ADCY8: variants seen among roughly 807,000 people sequenced by gnomAD.
The protein encoded by ADCY8 is adenylate cyclase 8, also known as adenylate cyclase type 8.
A neutral mutation model predicts 119.7 loss-of-function variants in ADCY8; 51 were observed. The observed-to-expected ratio is 0.43, with a 90% CI of 0.34 to 0.54. The LOEUF (loss-of-function observed/expected upper bound fraction) is 0.54, where lower values mean the gene tolerates loss of function less well. ADCY8 is among the 20% of genes least tolerant of loss of function. The pLI is 0.03. For missense variants in ADCY8, 1,383 were observed against 1,598.8 expected (o/e 0.87, Z 2.30); for synonymous variants, 665 against 651.0 (o/e 1.02, Z -0.33).
At chr8:131,018,706 G>C (rs1016478351) in intron 1 of ADCY8, among the ~76,000 whole-genome samples, 9 of 152,216 alleles carry the variant, frequency 5.9e-5, no homozygotes, top group Non-Finnish European at 1.0e-4. Context: ...AGGAATTGAG[G>C]CTTATGGAAG....
chr8:130,975,250 T>A (rs1310396136), intron 2 of ADCY8, among the ~76,000 whole-genome samples: 1 of 152,212 alleles, frequency 6.6e-6, no homozygotes, highest in Non-Finnish European at 1.5e-5. Flanking sequence ...TCTGACCATA[T>A]ATTTGCAAAT....
intron 5 of ADCY8, among the ~76,000 whole-genome samples, chr8:130,923,006 A>G (rs980916111): frequency 4.6e-5 from 7 of 152,248 alleles, no homozygotes; most frequent in African/African-American, 1.4e-4. Context: ...CATGGCAAAC[A>G]TTCTATCAAT....
chr8:130,876,849 A>G (rs1818586738), intron 8 of ADCY8, among the ~76,000 whole-genome samples: 1 of 152,124 alleles, frequency 6.6e-6, no homozygotes, highest in South Asian at 2.1e-4. Context: ...ATCCTTCTTG[A>G]ATTTCAAACT....
At chr8:130,829,616 A>G (rs1248641595) in intron 12 of ADCY8, among the ~76,000 whole-genome samples, 1 of 152,242 alleles carries the variant, frequency 6.6e-6, no homozygotes, top group East Asian at 1.9e-4. Context: ...AAGGATTATA[A>G]GGAAGGTAAA....
intron 8 of ADCY8, among the ~76,000 whole-genome samples, chr8:130,875,760 T>A (rs73717226): frequency 0.054 from 8,224 of 152,274 alleles, 688 homozygotes; most frequent in African/African-American, 0.18. Flanking sequence ...ACTTTGATTT[T>A]CTTTATAAAT....
chr8:130,930,529 G>A (rs563121025), intron 5 of ADCY8, among the ~76,000 whole-genome samples: 1 of 152,072 alleles, frequency 6.6e-6, no homozygotes, highest in Non-Finnish European at 1.5e-5. Flanking sequence ...GGGATTACAG[G>A]TGTGAGCCAC....
rs781331449 is a variant in ADCY8, at chr8:130,780,774, C to T, written c.3372G>A (p.Thr1124=). The change falls in exon 18 of 18, where the codon ACG becomes ACA. Residue 1124 remains threonine, a synonymous_variant. Transcript: ENST00000286355. ...TVNLASRMDS[T]GVSGRIQVPE... is the part of the protein sequence containing the mutation. ...GGACTTGGATCCGGCCACTAACCCC[C>T]GTGCTGTCCATTCGGCTTGCCAGGT... The T allele has an allele frequency of 1.1e-5, 18 of 1,614,198 alleles. No individual in the cohort carries two copies. Among genetic ancestry groups the T allele is most frequent in the Middle Eastern group, 1.6e-4 (1 of 6,062 alleles).
At position 130,828,332 on chromosome 8, in the gene ADCY8, TC is replaced by T. The variant is rs546776999; in HGVS notation, c.2676-6913del. On this transcript the variant is annotated intron_variant, in intron 12 of 17. Transcript: ENST00000286355. ...CTTGTGATTTTTGAGGAACAGAGGG[TC>T]CCCCCCACCCACAGTGAGTGTCTCT... Among the ~76,000 whole-genome samples, 385 of 151,816 alleles carry T rather than the reference TC, an allele frequency of 2.5e-3. 3 individuals are homozygous for T. The highest frequency in any genetic ancestry group is 8.7e-3 in the African/African-American group (361 of 41,348).
chr8:131,020,304 G>C (rs142438900), intron 1 of ADCY8, among the ~76,000 whole-genome samples: 1 of 152,294 alleles, frequency 6.6e-6, no homozygotes, highest in Admixed American at 6.5e-5. Flanking sequence ...TGAGGCTACT[G>C]TGATTCAGGT....
intron 1 of ADCY8, among the ~76,000 whole-genome samples, chr8:131,002,060 G>A (rs1586646185): frequency 6.6e-6 from 1 of 152,326 alleles, no homozygotes; most frequent in African/African-American, 2.4e-5. Context: ...GTTTAGCTTA[G>A]TGGCTAAGAA....
At position 130,780,379 on chromosome 8, in the gene ADCY8, AG is replaced by A. The variant is rs1815035433; in HGVS notation, c.*10del. On this transcript the variant is annotated 3_prime_UTR_variant, in exon 18 of 18. Coordinates refer to ENST00000286355, the MANE Select transcript of ADCY8 (RefSeq NM_001115.3). The stretch of plus-strand genomic sequence containing the variant: ...AGAAATACAAAAAAAAAAAACAGAA[AG>A]AAAATGCTTTTATGGCAAATCAGAT... The A allele has an allele frequency of 8.6e-6, 12 of 1,403,276 alleles. No individual in the cohort carries two copies. The highest frequency in any genetic ancestry group is 9.3e-6 in the Non-Finnish European group (10 of 1,072,624). 86.9% of individuals were successfully genotyped at this position (1,403,276 alleles called of 1,614,324 possible). A position where few individuals can be genotyped will look rare whatever the true frequency, so the allele number is the denominator to read the frequency against.
At chr8:131,026,171 GGAGGTGAATGTGTCAT>G (rs1395537469) in intron 1 of ADCY8, among the ~76,000 whole-genome samples, 3 of 152,182 alleles carry the variant, frequency 2.0e-5, no homozygotes, top group Admixed American at 6.5e-5. Flanking sequence ...TTAAGAGGTG[GGAGGTGAATGTGTCAT>G]GAGGGTGGAG....
chr8:130,961,361 C>T (rs541512069), intron 2 of ADCY8, among the ~76,000 whole-genome samples: 6 of 152,164 alleles, frequency 3.9e-5, no homozygotes, highest in South Asian at 2.1e-4. Flanking sequence ...CCACCCACCT[C>T]GGTCTCCCAA....
intron 2 of ADCY8, among the ~76,000 whole-genome samples, chr8:130,962,465 T>C (rs1045299861): frequency 6.6e-6 from 1 of 152,212 alleles, no homozygotes; most frequent in Non-Finnish European, 1.5e-5. Flanking sequence ...AGTTTTTCCA[T>C]TTGCATGAAA....
chr8:130,921,449 C>CTTT (rs35570520), intron 5 of ADCY8, among the ~76,000 whole-genome samples: 16 of 107,630 alleles, frequency 1.5e-4, no homozygotes, highest in South Asian at 1.1e-3. Flanking sequence ...TTTTTCTTTT[C>CTTT]TTTTTTTTTT....
intron 2 of ADCY8, among the ~76,000 whole-genome samples, chr8:130,982,880 A>G (rs571772611): frequency 6.6e-6 from 1 of 152,282 alleles, no homozygotes; most frequent in South Asian, 2.1e-4. Flanking sequence ...TGTATTGTAC[A>G]TGCACAGCAT....
intron 14 of ADCY8, among the ~76,000 whole-genome samples, chr8:130,809,411 T>A (rs1816089215): frequency 6.6e-6 from 1 of 152,234 alleles, no homozygotes; most frequent in South Asian, 2.1e-4. Context: ...AAGACTTGTC[T>A]CTTTGTACTT....
intron 8 of ADCY8, among the ~76,000 whole-genome samples, chr8:130,870,949 C>A (rs117021374): frequency 0.022 from 3,303 of 152,180 alleles, 73 homozygotes; most frequent in South Asian, 0.08. Flanking sequence ...TAATGTAGTT[C>A]ATAAGTTTGA....
intron 5 of ADCY8, among the ~76,000 whole-genome samples, chr8:130,916,109 T>A (rs534706723): frequency 6.6e-6 from 1 of 152,338 alleles, no homozygotes; most frequent in South Asian, 2.1e-4. Flanking sequence ...TATATTGCTT[T>A]ACGTCACACA....
Sources: gnomAD v4.1 joint callset for allele counts (sites outside exome capture counted in the v4.1 genomes callset) on GRCh38, gnomAD v4.1.1 for gene constraint, MANE v1.5 for transcripts, NCBI Gene and HGNC (gene_info 2026-07-23, HGNC 2026-07-21) for gene names.